The following ZNF423 variants were observed in gnomAD, a reference collection of about 807,000 sequenced individuals.
The protein encoded by ZNF423 is Ebf-associated zinc finger protein.
A neutral mutation model predicts 95.8 loss-of-function variants in ZNF423; 12 were observed. That is an observed-to-expected ratio of 0.13 (90% confidence interval 0.08 to 0.20). ZNF423 has a LOEUF of 0.20. ZNF423 is among the 10% of genes least tolerant of loss of function. The pLI, the probability that ZNF423 is intolerant of heterozygous loss-of-function variation, is 1.00. For missense variants in ZNF423, 1,316 were observed against 1,737.1 expected (o/e 0.76, Z 4.31); for synonymous variants, 749 against 711.9 (o/e 1.05, Z -0.83).
At chr16:49,525,117 G>A (rs1275512081) in intron 6 of ZNF423, among the ~76,000 whole-genome samples, 4 of 152,208 alleles carry the variant, frequency 2.6e-5, no homozygotes, top group Non-Finnish European at 2.9e-5. Flanking sequence ...AGGGCGAGGA[G>A]AGGGTGCCAA....
intron 5 of ZNF423, among the ~76,000 whole-genome samples, chr16:49,538,720 A>G (rs1213584109): frequency 6.6e-6 from 1 of 152,216 alleles, no homozygotes; most frequent in Non-Finnish European, 1.5e-5. Context: ...GGCTAGGGTT[A>G]GGTTACGGAT....
intron 5 of ZNF423, among the ~76,000 whole-genome samples, chr16:49,574,056 T>A (rs990821428): frequency 1.3e-5 from 2 of 152,172 alleles, no homozygotes; most frequent in Non-Finnish European, 2.9e-5. Context: ...TCTCAAACTT[T>A]AGTGAATCAG....
chr16:49,618,727 T>C (rs1162222110), intron 5 of ZNF423, among the ~76,000 whole-genome samples: 4 of 152,212 alleles, frequency 2.6e-5, no homozygotes, highest in Non-Finnish European at 4.4e-5. Flanking sequence ...GCTAGCATCA[T>C]TGTCTTCTCT....
intron 1 of ZNF423, 101 bp from the exon 2 acceptor site, chr16:49,789,647 A>C (rs1023538157): frequency 8.8e-7 from 1 of 1,137,660 alleles, no homozygotes; most frequent in Non-Finnish European, 1.2e-6. Flanking sequence ...GGGGGTCCTT[A>C]TTATAATACC....
intron 3 of ZNF423, among the ~76,000 whole-genome samples, chr16:49,693,026 T>C (rs909975838): frequency 6.6e-6 from 1 of 152,260 alleles, no homozygotes; most frequent in African/African-American, 2.4e-5. Flanking sequence ...TTATGATGTA[T>C]TCACTTGCTT....
chr16:49,701,259 T>A (rs769715228), intron 3 of ZNF423, among the ~76,000 whole-genome samples: 4 of 152,136 alleles, frequency 2.6e-5, no homozygotes, highest in African/African-American at 4.8e-5. Context: ...CATGCGCACG[T>A]GTGTGTGTAG....
At chr16:49,656,357 A>G (rs1251898847) in intron 3 of ZNF423, among the ~76,000 whole-genome samples, 3 of 152,098 alleles carry the variant, frequency 2.0e-5, no homozygotes, top group African/African-American at 7.2e-5. Flanking sequence ...CTAAAATTAT[A>G]AAAATTAGCC....
At chr16:49,645,632 C>A (rs1973142249) in intron 3 of ZNF423, among the ~76,000 whole-genome samples, 1 of 152,168 alleles carries the variant, frequency 6.6e-6, no homozygotes, top group South Asian at 2.1e-4. Context: ...CTGTTGGTCA[C>A]AGAGAGACAA....
chr16:49,735,275 C>T (rs896246366), intron 2 of ZNF423, among the ~76,000 whole-genome samples: 2 of 152,148 alleles, frequency 1.3e-5, no homozygotes, highest in Admixed American at 1.3e-4. Context: ...AGTCTTCACA[C>T]AGTTCCCAAA....
At chr16:49,524,967 G>A (rs1267922891) in intron 6 of ZNF423, among the ~76,000 whole-genome samples, 1 of 152,242 alleles carries the variant, frequency 6.6e-6, no homozygotes, top group Non-Finnish European at 1.5e-5. Context: ...GGGGGAACCA[G>A]GAGTATGTGA....
intron 3 of ZNF423, among the ~76,000 whole-genome samples, chr16:49,640,538 C>T (rs1972937301): frequency 6.6e-6 from 1 of 152,152 alleles, no homozygotes; most frequent in African/African-American, 2.4e-5. Context: ...ATTGGGGGGT[C>T]TTGAGGGGTC....
intron 5 of ZNF423, among the ~76,000 whole-genome samples, chr16:49,569,581 A>T (rs1203997239): frequency 6.6e-6 from 1 of 152,176 alleles, no homozygotes; most frequent in East Asian, 1.9e-4. Flanking sequence ...AAGTAACAGC[A>T]GGCTTGTTGC....
At chr16:49,775,126 C>A (rs577499545) in intron 2 of ZNF423, among the ~76,000 whole-genome samples, 2 of 152,260 alleles carry the variant, frequency 1.3e-5, no homozygotes, top group South Asian at 4.2e-4. Context: ...CACTGAGGCA[C>A]GGAGCATTTT....
At chr16:49,623,526 G>C (rs929113230) in intron 5 of ZNF423, among the ~76,000 whole-genome samples, 2 of 152,248 alleles carry the variant, frequency 1.3e-5, no homozygotes, top group Non-Finnish European at 2.9e-5. Flanking sequence ...ACAGGAACGC[G>C]CATTAACATC....
intron 1 of ZNF423, among the ~76,000 whole-genome samples, chr16:49,817,001 T>C (rs377591921): frequency 3.9e-5 from 6 of 152,304 alleles, no homozygotes; most frequent in African/African-American, 1.2e-4. Context: ...GAAAAGCATG[T>C]GTCTATTTTA....
At chr16:49,557,073 G>A (rs1446184540) in intron 5 of ZNF423, among the ~76,000 whole-genome samples, 3 of 152,228 alleles carry the variant, frequency 2.0e-5, no homozygotes, top group East Asian at 1.9e-4. Flanking sequence ...TGTCACACAA[G>A]GCGGGCCCTC....
At chr16:49,614,923 G>C (rs547464673) in intron 5 of ZNF423, among the ~76,000 whole-genome samples, 97 of 152,266 alleles carry the variant, frequency 6.4e-4, no homozygotes, top group African/African-American at 2.2e-3. Flanking sequence ...CTGAGGTCAG[G>C]AGTTCAAGGC....
chr16:49,813,828 T>C (rs938632797), intron 1 of ZNF423, among the ~76,000 whole-genome samples: 1 of 152,156 alleles, frequency 6.6e-6, no homozygotes, highest in Non-Finnish European at 1.5e-5. Context: ...GGTCCTGCCA[T>C]TGCAGCTGAC....
chr16:49,637,687 A>T lies in ZNF423; in HGVS notation c.1489T>A (p.Phe497Ile). 6.2e-7 allele frequency: 1 copy of T among 1,614,174 alleles called. No individual in the cohort carries two copies. The highest frequency in any genetic ancestry group is 8.5e-7 in the Non-Finnish European group (1 of 1,180,050). Residue 497 changes from phenylalanine to isoleucine, a missense_variant, in exon 4 of 8, where the codon TTC becomes ATC. By Grantham distance (21) the Phe-to-Ile change is conservative. Around this residue, in one of 6 missense-constraint regions of ZNF423, gnomAD observed 399 missense variants for 478.5 expected, o/e 0.83. Transcript: ENST00000563137. The surrounding 1 kb of genome is among the most constrained non-coding windows in gnomAD (Gnocchi z 5.6). ...AFHCNYCPEMFADINSLQEHI... is the reference protein window; with the variant it reads ...AFHCNYCPEMIADINSLQEHI... Reference sequence around the variant, plus strand: ...TCCTGCAGGCTATTGATGTCGGCGAACATCTCGGGGCAGTAGTTGCAGTGG... The same window carrying T: ...TCCTGCAGGCTATTGATGTCGGCGATCATCTCGGGGCAGTAGTTGCAGTGG...
Sources: allele counts gnomAD v4.1 joint callset (sites outside exome capture counted in the v4.1 genomes callset), GRCh38; gene constraint gnomAD v4.1.1; regional missense constraint gnomAD v4.1.1; non-coding constraint Gnocchi (gnomAD v3.1); transcripts MANE v1.5; gene names NCBI Gene and HGNC (gene_info 2026-07-23, HGNC 2026-07-21).